Variants in MAGI2 observed in about 807,000 individuals in gnomAD.
The protein encoded by MAGI2 is membrane-associated guanylate kinase, WW and PDZ domain-containing protein 2.
MAGI2 carries 35 observed loss-of-function variants against 133.3 expected under a neutral mutation model. The observed-to-expected ratio is 0.26, with a 90% confidence interval of 0.20 to 0.35. MAGI2 has a LOEUF of 0.35. Ranked by LOEUF, MAGI2 falls within the 10% of genes least tolerant of loss-of-function variation. The pLI, the probability that MAGI2 is intolerant of heterozygous loss-of-function variation, is 1.00. For synonymous variants in MAGI2, 729 were observed against 710.6 expected, an observed-to-expected ratio of 1.03 and a Z score of -0.41; for missense variants, 1,636 against 1,863.4, an observed-to-expected ratio of 0.88 and a Z score of 2.25.
At chr7:78,563,853 A>G (rs1020418329) in intron 3 of MAGI2, among the ~76,000 whole-genome samples, 3 of 152,222 alleles carry the variant, frequency 2.0e-5, no homozygotes, top group East Asian at 1.9e-4. Flanking sequence ...ATCAAAATCA[A>G]TCCATAGTAT....
At chr7:79,153,210 T>G (rs970580562) in intron 1 of MAGI2, among the ~76,000 whole-genome samples, 16 of 152,228 alleles carry the variant, frequency 1.1e-4, no homozygotes, top group African/African-American at 3.9e-4. Flanking sequence ...AAATTCTTAG[T>G]TCTTCTAAAT....
At chr7:78,182,723 T>C (rs555265902) in intron 13 of MAGI2, among the ~76,000 whole-genome samples, 1 of 152,322 alleles carries the variant, frequency 6.6e-6, no homozygotes, top group African/African-American at 2.4e-5. Flanking sequence ...CCTTATTTGA[T>C]ATCGTTGATG....
chr7:78,704,638 T>G (rs530601100), intron 2 of MAGI2, among the ~76,000 whole-genome samples: 2 of 152,044 alleles, frequency 1.3e-5, no homozygotes, highest in South Asian at 4.2e-4. Flanking sequence ...AGCAAGGAAA[T>G]TGAGTCAACC....
chr7:78,864,563 T>C (rs1442212218), intron 2 of MAGI2, among the ~76,000 whole-genome samples: 1 of 152,216 alleles, frequency 6.6e-6, no homozygotes, highest in Non-Finnish European at 1.5e-5. Context: ...GAAATGTCAC[T>C]GCCATTGAGT....
intron 12 of MAGI2, among the ~76,000 whole-genome samples, chr7:78,188,837 G>A (rs1194027703): frequency 1.3e-5 from 2 of 152,112 alleles, no homozygotes; most frequent in Non-Finnish European, 2.9e-5. Flanking sequence ...TGGCTCAACT[G>A]GGTATTTAAT....
intron 1 of MAGI2, among the ~76,000 whole-genome samples, chr7:79,123,549 G>C (rs773221297): frequency 2.7e-4 from 41 of 152,002 alleles, no homozygotes; most frequent in Non-Finnish European, 3.5e-4. Flanking sequence ...ACTTTGGGAG[G>C]CTGAGGCAGG....
intron 2 of MAGI2, among the ~76,000 whole-genome samples, chr7:78,657,369 T>C (rs1369887944): frequency 1.3e-5 from 2 of 152,212 alleles, no homozygotes; most frequent in African/African-American, 4.8e-5. Context: ...AAAACCTGCA[T>C]GTGGATGTTT....
intron 3 of MAGI2, among the ~76,000 whole-genome samples, chr7:78,533,500 T>A (rs1797636958): frequency 6.6e-6 from 1 of 152,124 alleles, no homozygotes; most frequent in South Asian, 2.1e-4. Context: ...GAGGAGACAT[T>A]TTGGCCCAAA....
At chr7:79,362,701 G>A (rs1216287436) in intron 1 of MAGI2, among the ~76,000 whole-genome samples, 1 of 151,944 alleles carries the variant, frequency 6.6e-6, no homozygotes, top group Non-Finnish European at 1.5e-5. Context: ...TCATATCAAT[G>A]AATGCAGATA....
At chr7:78,868,610 T>A (rs537724824) in intron 2 of MAGI2, among the ~76,000 whole-genome samples, 1 of 152,312 alleles carries the variant, frequency 6.6e-6, no homozygotes, top group South Asian at 2.1e-4. Flanking sequence ...AAACATTTCT[T>A]GGAGAATAAT....
intron 1 of MAGI2, among the ~76,000 whole-genome samples, chr7:79,359,237 G>C (rs986822021): frequency 6.6e-6 from 1 of 151,968 alleles, no homozygotes; most frequent in Non-Finnish European, 1.5e-5. Flanking sequence ...TAATAGAATG[G>C]ACATAAAAGA....
chr7:78,098,009 T>C (rs959628228), intron 20 of MAGI2, among the ~76,000 whole-genome samples: 13 of 152,168 alleles, frequency 8.5e-5, no homozygotes, highest in African/African-American at 3.1e-4. Context: ...ATTAAAATTA[T>C]GTAATATTCA....
intron 3 of MAGI2, among the ~76,000 whole-genome samples, chr7:78,529,921 TAAA>T (rs999714727): frequency 1.3e-5 from 2 of 151,862 alleles, no homozygotes; most frequent in African/African-American, 4.8e-5. Context: ...TAATAATTAA[TAAA>T]AAAGTTACTG....
chr7:78,999,776 G>A (rs767722032), intron 2 of MAGI2, among the ~76,000 whole-genome samples: 8 of 152,098 alleles, frequency 5.3e-5, no homozygotes, highest in East Asian at 1.9e-4. Flanking sequence ...ATTAAGTTTC[G>A]TTTGTTTACA....
At chr7:78,768,388 A>C (rs970805540) in intron 2 of MAGI2, among the ~76,000 whole-genome samples, 1 of 152,182 alleles carries the variant, frequency 6.6e-6, no homozygotes, top group African/African-American at 2.4e-5. Context: ...TACATGTATA[A>C]AAGCAGCAAT....
chr7:79,371,118 A>G (rs1843024624), intron 1 of MAGI2, among the ~76,000 whole-genome samples: 1 of 152,144 alleles, frequency 6.6e-6, no homozygotes, highest in South Asian at 2.1e-4. Flanking sequence ...CAGAGACAGT[A>G]ATATTTTCTT....
At chr7:78,780,529 T>G (rs973320) in intron 2 of MAGI2, among the ~76,000 whole-genome samples, 50,028 of 152,160 alleles carry the variant, frequency 0.33, 8,407 homozygotes, top group South Asian at 0.47. Flanking sequence ...AGTATTTCTC[T>G]TTCAGTTCCG....
intron 1 of MAGI2, among the ~76,000 whole-genome samples, chr7:79,050,683 T>C (rs1456791263): frequency 2.0e-5 from 3 of 152,186 alleles, no homozygotes; most frequent in Admixed American, 1.3e-4. Context: ...GCACCCAGCC[T>C]CAGGCATAAA....
At chr7:79,042,813 C>T (rs1811792063) in intron 1 of MAGI2, among the ~76,000 whole-genome samples, 1 of 152,074 alleles carries the variant, frequency 6.6e-6, no homozygotes, top group Admixed American at 6.5e-5. Flanking sequence ...GGCATATACT[C>T]TAAAATCAGC....
Sources: gnomAD v4.1 joint callset for allele counts (sites outside exome capture counted in the v4.1 genomes callset) on GRCh38, gnomAD v4.1.1 for gene constraint, MANE v1.5 for transcripts, NCBI Gene and HGNC (gene_info 2026-07-23, HGNC 2026-07-21) for gene names.